Variants in FOXP1 observed in about 807,000 individuals in gnomAD.
FOXP1 encodes the protein forkhead box protein P1.
Under a neutral mutation model 98.2 loss-of-function variants are expected in FOXP1, and 15 were observed. The ratio of observed to expected loss-of-function variants is 0.15; its 90% CI spans 0.10 to 0.24. FOXP1 has a LOEUF of 0.24. FOXP1 is among the 10% of genes least tolerant of loss of function. The probability of loss-of-function intolerance (pLI) is 1.00; values close to 1 mark genes in which losing one functional copy is unlikely to be tolerated. For missense variants in FOXP1, 633 were observed against 848.5 expected, an observed-to-expected ratio of 0.75 and a Z score of 3.15; for synonymous variants, 371 against 314.5, an observed-to-expected ratio of 1.18 and a Z score of -1.90.
intron 19 of FOXP1, among the ~76,000 whole-genome samples, chr3:70,967,698 T>TGTTTC (rs2035195050): frequency 2.0e-5 from 2 of 100,850 alleles, no homozygotes; most frequent in Non-Finnish European, 3.7e-5. Flanking sequence ...TTTTTTTTTT[T>TGTTTC]TGTTTTTTTT....
chr3:70,977,818 G>A lies in FOXP1; in HGVS notation c.1348+10C>T. 6.2e-7 allele frequency: 1 copy of A among 1,613,930 alleles called. No individual in the cohort carries two copies. On this transcript the variant is annotated intron_variant, in intron 15 of 20. Coordinates refer to ENST00000649528, the MANE Select transcript of FOXP1 (RefSeq NM_001349338.3). ...ACAACTCTACGTGAGGCAAAAGGTGGAGTATCTACCTGACGAAATGGGCAC... is the reference window on the plus strand; with the variant it reads ...ACAACTCTACGTGAGGCAAAAGGTGAAGTATCTACCTGACGAAATGGGCAC...
At chr3:71,406,397 CTGTATG>C (rs1353925412) in intron 3 of FOXP1, among the ~76,000 whole-genome samples, 1 of 60,270 alleles carries the variant, frequency 1.7e-5, no homozygotes, top group African/African-American at 4.8e-5. Flanking sequence ...CACATAATAA[CTGTATG>C]TGTATATATA....
Position 71,030,021 on chromosome 3 carries a change from C to T in FOXP1, c.869+11307G>A, listed in dbSNP as rs76125238. The stretch of plus-strand genomic sequence containing the variant: ...TTAATCCTCACAATTTGATCTAAGA[C>T]GAGGTAAGGGCTGGTAGCATACCCG... On this transcript the variant is annotated intron_variant, in intron 11 of 20. Transcript: ENST00000649528. 1.7e-3 allele frequency among the ~76,000 whole-genome samples: 254 copies of T among 152,240 alleles called. 1 individual carries two copies. The highest frequency in any genetic ancestry group is 0.016 in the South Asian group (76 of 4,820).
chr3:71,436,169 G>T (rs1194194199), intron 3 of FOXP1, among the ~76,000 whole-genome samples: 2 of 151,756 alleles, frequency 1.3e-5, no homozygotes, highest in African/African-American at 4.8e-5. Context: ...CCTGGTATGG[G>T]CTCTTCAGGT....
intron 12 of FOXP1, among the ~76,000 whole-genome samples, chr3:71,015,031 C>T (rs1182455014): frequency 6.6e-6 from 1 of 151,810 alleles, no homozygotes; most frequent in African/African-American, 2.4e-5. Flanking sequence ...TTAGGAGATA[C>T]ACTTAATGTA....
chr3:71,071,246 A>T (rs962715009), intron 7 of FOXP1, among the ~76,000 whole-genome samples: 1 of 152,222 alleles, frequency 6.6e-6, no homozygotes, highest in African/African-American at 2.4e-5. Flanking sequence ...TTAAGAACTC[A>T]GGAATGGAAT....
intron 3 of FOXP1, among the ~76,000 whole-genome samples, chr3:71,407,372 G>A (rs1399094062): frequency 6.6e-6 from 1 of 152,046 alleles, no homozygotes; most frequent in Non-Finnish European, 1.5e-5. Context: ...GACTAAAATA[G>A]TTTCATCCTT....
At chr3:71,161,343 A>T (rs779576920) in intron 6 of FOXP1, among the ~76,000 whole-genome samples, 1 of 152,152 alleles carries the variant, frequency 6.6e-6, no homozygotes, top group Non-Finnish European at 1.5e-5. Context: ...AGATGTGGGT[A>T]CTTCAGTTCT....
intron 2 of FOXP1, among the ~76,000 whole-genome samples, chr3:71,511,440 TTGAAAAGCTGC>T (rs1177901024): frequency 2.6e-5 from 4 of 152,056 alleles, no homozygotes; most frequent in Admixed American, 2.6e-4. Context: ...ATGTCAGATT[TTGAAAAGCTGC>T]TGATAAGCCA....
chr3:71,267,714 T>C (rs2069838056), intron 5 of FOXP1, among the ~76,000 whole-genome samples: 1 of 152,054 alleles, frequency 6.6e-6, no homozygotes, highest in South Asian at 2.1e-4. Context: ...GGTTAACAGA[T>C]TACTTAAAAA....
At chr3:71,036,089 T>A (rs868155494) in intron 11 of FOXP1, among the ~76,000 whole-genome samples, 7 of 152,160 alleles carry the variant, frequency 4.6e-5, no homozygotes, top group Non-Finnish European at 8.8e-5. Context: ...GTCAAATACA[T>A]GGCAACATGT....
At chr3:71,100,084 A>G (rs2056824628) in intron 7 of FOXP1, among the ~76,000 whole-genome samples, 1 of 152,208 alleles carries the variant, frequency 6.6e-6, no homozygotes, top group African/African-American at 2.4e-5. Context: ...ATGGTCAGAT[A>G]GGTCTATGGC....
At chr3:71,554,242 T>G (rs2045966660) in intron 2 of FOXP1, among the ~76,000 whole-genome samples, 1 of 152,162 alleles carries the variant, frequency 6.6e-6, no homozygotes, top group Non-Finnish European at 1.5e-5. Flanking sequence ...TGGTCCCAGC[T>G]ACTCGGAAAT....
At chr3:71,452,879 A>C (rs753274121) in intron 3 of FOXP1, among the ~76,000 whole-genome samples, 2 of 152,042 alleles carry the variant, frequency 1.3e-5, no homozygotes, top group African/African-American at 2.4e-5. Context: ...TTTGAAGACC[A>C]CTCTTACTAC....
intron 5 of FOXP1, among the ~76,000 whole-genome samples, chr3:71,258,555 G>A (rs776581179): frequency 2.4e-4 from 37 of 152,244 alleles, no homozygotes; most frequent in African/African-American, 8.4e-4. Flanking sequence ...CAGAGACTGG[G>A]GCCAGGGGAT....
chr3:71,138,597 G>A (rs374347961), intron 6 of FOXP1, among the ~76,000 whole-genome samples: 1 of 152,164 alleles, frequency 6.6e-6, no homozygotes, highest in African/African-American at 2.4e-5. Flanking sequence ...GGGGCTGTGG[G>A]AAATAGGATA....
In FOXP1 at chr3:71,313,326, T is replaced by C. The variant is rs192105265; in HGVS notation, c.-72-13446A>G. On this transcript the variant is annotated intron_variant, in intron 4 of 20. Coordinates refer to ENST00000649528, the MANE Select transcript of FOXP1 (RefSeq NM_001349338.3). Reference sequence around the variant, plus strand: ...CGTCCGCCTCTGCCTCCCAAAGTGCTGGGATTACAGGCGTGAGCCACTGCG... The same window carrying C: ...CGTCCGCCTCTGCCTCCCAAAGTGCCGGGATTACAGGCGTGAGCCACTGCG... Among the ~76,000 whole-genome samples the C allele has an allele frequency of 9.4e-3, 1,425 of 152,022 alleles. 24 individuals carry two copies. The highest frequency in any genetic ancestry group is 0.033 in the African/African-American group (1,362 of 41,498).
chr3:71,337,312 A>G (rs2076744967), intron 4 of FOXP1, among the ~76,000 whole-genome samples: 1 of 152,216 alleles, frequency 6.6e-6, no homozygotes, highest in African/African-American at 2.4e-5. Flanking sequence ...GTAGCCACAT[A>G]TGGCTATTAA....
At chr3:71,032,063 T>C (rs771437718) in intron 11 of FOXP1, among the ~76,000 whole-genome samples, 19 of 152,218 alleles carry the variant, frequency 1.2e-4, no homozygotes, top group Non-Finnish European at 2.4e-4. Flanking sequence ...AGATCTACAA[T>C]AAAACAAACT....
Sources: gnomAD v4.1 joint callset for allele counts (sites outside exome capture counted in the v4.1 genomes callset) on GRCh38, gnomAD v4.1.1 for gene constraint, MANE v1.5 for transcripts, NCBI Gene and HGNC (gene_info 2026-07-23, HGNC 2026-07-21) for gene names.